The following PTCHD4 variants were observed in gnomAD, a reference collection of about 807,000 sequenced individuals.
The protein encoded by PTCHD4 is patched domain containing 4, also known as patched domain-containing protein 4.
Under a neutral mutation model 58.1 loss-of-function variants are expected in PTCHD4, and 33 were observed. That is an observed-to-expected ratio of 0.57 (90% CI 0.43 to 0.76). The LOEUF (loss-of-function observed/expected upper bound fraction) is 0.76, where lower values mean the gene tolerates loss of function less well. Ranked by LOEUF, PTCHD4 falls within the 30% of genes least tolerant of loss-of-function variation. The pLI is 0.00. For missense variants in PTCHD4, 1,058 were observed against 1,027.1 expected, an observed-to-expected ratio of 1.03 and a Z score of -0.41; for synonymous variants, 478 against 409.6, an observed-to-expected ratio of 1.17 and a Z score of -2.02.
rs1362628362 is a variant in PTCHD4, at chr6:47,863,219, C to A, written c.*15084G>T. Among the ~76,000 whole-genome samples, 2 of 151,662 alleles carry A rather than the reference C, an allele frequency of 1.3e-5. No homozygotes were observed. The highest frequency in any genetic ancestry group is 4.8e-5 in the African/African-American group (2 of 41,326). On this transcript the variant is annotated 3_prime_UTR_variant, in exon 5 of 5. Coordinates refer to ENST00000339488, the MANE Select transcript of PTCHD4 (RefSeq NM_001384253.1). ...TGAAGTGTATACATTTTTGGAGTCC[C>A]CTTTTAAGGAAAAGAATGCAAAAAT... is the stretch of plus-strand genomic sequence containing the variant.
At chr6:47,893,079 T>C (rs1398977838) in intron 4 of PTCHD4, among the ~76,000 whole-genome samples, 3 of 152,306 alleles carry the variant, frequency 2.0e-5, no homozygotes, top group African/African-American at 7.2e-5. Context: ...GGTGCGATCT[T>C]GGCTCACTGC....
chr6:48,042,887 C>T (rs1344706608), intron 3 of PTCHD4, among the ~76,000 whole-genome samples: 1 of 151,830 alleles, frequency 6.6e-6, no homozygotes, highest in African/African-American at 2.4e-5. Flanking sequence ...CTGACTTCTC[C>T]CATTGCCTTA....
intron 3 of PTCHD4, among the ~76,000 whole-genome samples, chr6:48,023,112 T>C (rs571569911): frequency 3.3e-5 from 5 of 152,286 alleles, no homozygotes; most frequent in South Asian, 4.1e-4. Context: ...ATAAGGAAGG[T>C]AAAATTTCGT....
chr6:47,913,847 C>A (rs1440819058), intron 4 of PTCHD4, among the ~76,000 whole-genome samples: 1 of 152,114 alleles, frequency 6.6e-6, no homozygotes, highest in South Asian at 2.1e-4. Flanking sequence ...AAACATTTTT[C>A]TGTGATTGAG....
At chr6:48,093,181 T>C (rs1765399869) in intron 1 of PTCHD4, among the ~76,000 whole-genome samples, 1 of 152,172 alleles carries the variant, frequency 6.6e-6, no homozygotes, top group Admixed American at 6.5e-5. Flanking sequence ...GCAAGGCACA[T>C]ATTTTAGAGT....
At chr6:48,074,329 T>C (rs973207085) in intron 1 of PTCHD4, among the ~76,000 whole-genome samples, 3 of 152,206 alleles carry the variant, frequency 2.0e-5, no homozygotes, top group Non-Finnish European at 4.4e-5. Context: ...AAGAGTGTAA[T>C]TAAGAACCCA....
chr6:47,885,619 G>A (rs12524723), intron 4 of PTCHD4, among the ~76,000 whole-genome samples: 11 of 152,292 alleles, frequency 7.2e-5, no homozygotes, highest in South Asian at 2.1e-4. Context: ...TTCCGTTTGA[G>A]CTTCTAGTAA....
chr6:47,879,038 A>G lies in PTCHD4; in HGVS notation c.1797T>C (p.Asn599=). Residue 599 remains asparagine (N), a synonymous_variant, in exon 5 of 5, where the codon AAT becomes AAC. Coordinates refer to ENST00000339488, the MANE Select transcript of PTCHD4 (RefSeq NM_001384253.1). ...IIFSKAGDES[N]IIASRLYLVA... Reference sequence around the variant, plus strand: ...CCAGATACAAGCGAGAAGCAATGATATTGCTTTCATCCCCTGCCTTGGAGA... The same window carrying G: ...CCAGATACAAGCGAGAAGCAATGATGTTGCTTTCATCCCCTGCCTTGGAGA... 6.2e-7 allele frequency: 1 copy of G among 1,613,532 alleles called. No homozygotes were observed. Among genetic ancestry groups the G allele is most frequent in the Non-Finnish European group, 8.5e-7 (1 of 1,179,758 alleles).
intron 4 of PTCHD4, among the ~76,000 whole-genome samples, chr6:47,910,675 C>A: frequency 6.6e-6 from 1 of 152,178 alleles, no homozygotes; most frequent in South Asian, 2.1e-4. Context: ...TTATAGCCCT[C>A]CCTCCTGAAT....
intron 4 of PTCHD4, among the ~76,000 whole-genome samples, chr6:47,963,655 G>A (rs1226738277): frequency 6.6e-6 from 1 of 152,080 alleles, no homozygotes; most frequent in African/African-American, 2.4e-5. Context: ...ATTCAGCCTT[G>A]AAAAAGAAGG....
intron 4 of PTCHD4, among the ~76,000 whole-genome samples, chr6:47,907,355 T>G (rs112558868): frequency 0.034 from 5,166 of 152,252 alleles, 147 homozygotes; most frequent in Non-Finnish European, 0.045. Flanking sequence ...AGACTTCTGA[T>G]TTTGTGCAAG....
In PTCHD4 at chr6:47,873,694, C is replaced by T. The variant is rs1763776903; in HGVS notation, c.*4609G>A. ...GCAGCTCACTGATTTAAAATATTAG[C>T]ATAAAGGTCCGCACCACAGTGATGA... On this transcript the variant is annotated 3_prime_UTR_variant, in exon 5 of 5. Coordinates refer to ENST00000339488, the MANE Select transcript of PTCHD4 (RefSeq NM_001384253.1). Among the ~76,000 whole-genome samples the T allele has an allele frequency of 6.6e-6, 1 of 151,512 alleles. No homozygotes were observed. The highest frequency in any genetic ancestry group is 2.1e-4 in the South Asian group (1 of 4,820).
chr6:47,949,713 T>C (rs1462842515), intron 4 of PTCHD4, among the ~76,000 whole-genome samples: 2 of 152,070 alleles, frequency 1.3e-5, no homozygotes, highest in Non-Finnish European at 2.9e-5. Flanking sequence ...GAACAAACAG[T>C]GATACAGTCT....
chr6:48,054,175 C>G (rs1380969487), intron 3 of PTCHD4, among the ~76,000 whole-genome samples: 2 of 152,092 alleles, frequency 1.3e-5, no homozygotes, highest in Non-Finnish European at 2.9e-5. Context: ...TGAAAAGTTC[C>G]TGAAGTGTTT....
At chr6:47,971,169 G>GAA (rs1486210176) in intron 4 of PTCHD4, among the ~76,000 whole-genome samples, 3 of 152,048 alleles carry the variant, frequency 2.0e-5, no homozygotes, top group Non-Finnish European at 4.4e-5. Context: ...AGGACATAGA[G>GAA]AAAAGCATGA....
At chr6:48,061,857 G>C (rs996468194) in intron 3 of PTCHD4, among the ~76,000 whole-genome samples, 3 of 152,198 alleles carry the variant, frequency 2.0e-5, no homozygotes, top group African/African-American at 7.2e-5. Flanking sequence ...GTCATTCCAT[G>C]ATTCCACCCT....
In PTCHD4 at chr6:47,878,836, G is replaced by A; in HGVS notation, c.1999C>T (p.Leu667=). The change falls in exon 5 of 5, where the codon CTG becomes TTG. Residue 667 remains leucine, a synonymous_variant. Transcript: ENST00000339488. ...AGGAAAAAAGTCAGGATTAACACCA[G>A]GAGAACACCAAAGCCTGCAATCAGA... is the stretch of plus-strand genomic sequence containing the variant. ...PVLIAGFGVL[L]VLILTFFLVI... The A allele has an allele frequency of 6.2e-7, 1 of 1,613,660 alleles. No homozygotes were observed. Among genetic ancestry groups the A allele is most frequent in the Non-Finnish European group, 8.5e-7 (1 of 1,179,746 alleles).
chr6:48,004,792 C>A (rs1250848078), intron 4 of PTCHD4, among the ~76,000 whole-genome samples: 1 of 152,128 alleles, frequency 6.6e-6, no homozygotes, highest in African/African-American at 2.4e-5. Context: ...TGGCACACGC[C>A]TATAGTCCCA....
intron 3 of PTCHD4, among the ~76,000 whole-genome samples, chr6:48,015,716 G>A (rs1316593959): frequency 6.6e-6 from 1 of 151,878 alleles, no homozygotes; most frequent in Non-Finnish European, 1.5e-5. Flanking sequence ...TATTTGAAAT[G>A]ATCTTATTTT....
Sources: gnomAD v4.1 joint callset for allele counts (sites outside exome capture counted in the v4.1 genomes callset) on GRCh38, gnomAD v4.1.1 for gene constraint, MANE v1.5 for transcripts, NCBI Gene and HGNC (gene_info 2026-07-23, HGNC 2026-07-21) for gene names.